Variants in SPOCK2 observed in about 807,000 individuals in gnomAD.
SPOCK2 encodes the protein testican-2.
SPOCK2 carries 39 observed loss-of-function variants against 60.1 expected under a neutral mutation model. The ratio of observed to expected loss-of-function variants is 0.65; its 90% CI spans 0.50 to 0.85. The LOEUF (loss-of-function observed/expected upper bound fraction) is 0.85. Among genes scored for constraint, SPOCK2 ranks in the 40% least tolerant of loss-of-function variants. The pLI, the probability that SPOCK2 is intolerant of heterozygous loss-of-function variation, is 0.00. For missense variants in SPOCK2, 523 were observed against 567.4 expected (o/e 0.92, Z 0.80); for synonymous variants, 217 against 231.5 (o/e 0.94, Z 0.57).
At chr10:72,086,296 C>G in intron 1 of SPOCK2, 3 of 989,290 alleles carry the variant, frequency 3.0e-6, no homozygotes, top group Non-Finnish European at 3.6e-6. Flanking sequence ...TACAGAGAGA[C>G]AGGTGGGTAG....
At chr10:72,085,054 T>C (rs1427738328) in intron 1 of SPOCK2, among the ~76,000 whole-genome samples, 1 of 152,194 alleles carries the variant, frequency 6.6e-6, no homozygotes, top group Non-Finnish European at 1.5e-5. Context: ...GAGCCTGCCC[T>C]GAAGAATGCT....
intron 1 of SPOCK2, among the ~76,000 whole-genome samples, chr10:72,076,435 G>A (rs1442895357): frequency 1.3e-5 from 2 of 152,134 alleles, no homozygotes; most frequent in Middle Eastern, 3.2e-3. Flanking sequence ...AGGAAACAGA[G>A]GCCCCGTTCT....
At chr10:72,081,935 C>T (rs1384744024) in intron 1 of SPOCK2, among the ~76,000 whole-genome samples, 1 of 152,140 alleles carries the variant, frequency 6.6e-6, no homozygotes, top group African/African-American at 2.4e-5. Context: ...TGCCACAGTG[C>T]ACACGTTTAC....
At chr10:72,063,472 G>A (rs1414761654) in intron 9 of SPOCK2, among the ~76,000 whole-genome samples, 1 of 152,204 alleles carries the variant, frequency 6.6e-6, no homozygotes, top group Non-Finnish European at 1.5e-5. Context: ...CAGCCAGTCT[G>A]ACTTCACCAG....
At chr10:72,076,404 T>C (rs1372294980) in intron 1 of SPOCK2, among the ~76,000 whole-genome samples, 1 of 152,222 alleles carries the variant, frequency 6.6e-6, no homozygotes, top group Admixed American at 6.5e-5. Flanking sequence ...AATAGTCTGA[T>C]CAGGGCACCT....
chr10:72,063,114 T>C lies in SPOCK2; in HGVS notation c.1040A>G (p.Gln347Arg). 6.4e-7 allele frequency: 1 copy of C among 1,556,174 alleles called. No homozygotes were observed. Among genetic ancestry groups the C allele is most frequent in the Non-Finnish European group, 8.7e-7 (1 of 1,149,478 alleles). Residue 347 changes from glutamine (Q) to arginine (R), a missense_variant, in exon 10 of 11, where the codon CAG becomes CGG. By Grantham distance (43) the Gln-to-Arg change is conservative (BLOSUM62 1). Transcript: ENST00000373109. Reference protein sequence around the residue: ...CDEDGYYRKMQCDQSSGDCWC... With the variant: ...CDEDGYYRKMRCDQSSGDCWC... ...GCAGTCACCGCTGCTCTGGTCACAC[T>C]GCATCTTCCGGTAGTAGCCATCCTC...
At chr10:72,066,839 C>T (rs1840574530) in intron 8 of SPOCK2, 63 bp downstream of exon 8, 3 of 1,593,046 alleles carry the variant, frequency 1.9e-6, no homozygotes, top group Non-Finnish European at 2.6e-6. Flanking sequence ...CCCAAGAGAG[C>T]CTGGAACTTC....
At chr10:72,080,739 C>T (rs920031218) in intron 1 of SPOCK2, among the ~76,000 whole-genome samples, 2 of 152,116 alleles carry the variant, frequency 1.3e-5, no homozygotes, top group Non-Finnish European at 2.9e-5. Flanking sequence ...CTCTGGCCTC[C>T]CACCTCCTCT....
intron 1 of SPOCK2, among the ~76,000 whole-genome samples, chr10:72,081,594 C>T (rs564158222): frequency 6.6e-6 from 1 of 152,358 alleles, no homozygotes; most frequent in Admixed American, 6.5e-5. Flanking sequence ...GCTCAGAGCA[C>T]CCTCTCCACA....
chr10:72,073,761 C>T (rs945129051), intron 1 of SPOCK2, among the ~76,000 whole-genome samples: 1 of 152,254 alleles, frequency 6.6e-6, no homozygotes, highest in Non-Finnish European at 1.5e-5. Context: ...GCCCGTGGAC[C>T]GCAGAGTGGC....
chr10:72,086,813 T>TCTGA, intron 1 of SPOCK2: 2 of 1,529,500 alleles, frequency 1.3e-6, no homozygotes, highest in Non-Finnish European at 1.8e-6. Flanking sequence ...CAGTCACTTG[T>TCTGA]CTGACGGTAA....
At chr10:72,071,498 G>T (rs144264465) in intron 4 of SPOCK2, among the ~76,000 whole-genome samples, 17 of 152,268 alleles carry the variant, frequency 1.1e-4, no homozygotes, top group Non-Finnish European at 2.4e-4. Context: ...TGGAGCTAAG[G>T]CTTCCTTAAA....
chr10:72,072,490 A>G lies in SPOCK2; in HGVS notation c.244+13T>C. ...GTGTCAGTCACCTTCCCCCGCCGGG[A>G]GAGTCATGTTACCTTCATCTCCTTG... On this transcript the variant is annotated intron_variant, in intron 3 of 10. Coordinates refer to ENST00000373109, the MANE Select transcript of SPOCK2 (RefSeq NM_001244950.2). 6.2e-7 allele frequency: 1 copy of G among 1,613,892 alleles called. No individual in the cohort carries two copies. The highest frequency in any genetic ancestry group is 8.5e-7 in the Non-Finnish European group (1 of 1,179,990).
Position 72,062,532 on chromosome 10 carries a change from G to T in SPOCK2, c.*228C>A. The T allele has an allele frequency of 1.3e-6, 1 of 741,660 alleles. No homozygotes were observed. The highest frequency in any genetic ancestry group is 2.0e-6 in the Non-Finnish European group (1 of 494,746). 45.9% of individuals were successfully genotyped at this position (741,660 alleles called of 1,614,324 possible). On this transcript the variant is annotated 3_prime_UTR_variant, in exon 11 of 11. Transcript: ENST00000373109. The surrounding 1 kb of genome is among the most constrained non-coding windows in gnomAD (Gnocchi z 4.3). ...GTGGATCAAGGACACATTTGTCAGC[G>T]CATGCCACACACACACACACATACA...
intron 1 of SPOCK2, among the ~76,000 whole-genome samples, chr10:72,083,953 G>GTGT (rs1564551435): frequency 4.6e-4 from 70 of 151,990 alleles, no homozygotes; most frequent in African/African-American, 1.7e-3. Context: ...AGGTGTGTGG[G>GTGT]GTGGGAAGCA....
intron 1 of SPOCK2, chr10:72,086,794 G>C: frequency 3.3e-6 from 5 of 1,508,592 alleles, no homozygotes; most frequent in Non-Finnish European, 4.4e-6. Flanking sequence ...GTTTGACTTT[G>C]GGGAGAAACA....
rs746881490 is a variant in SPOCK2 at position 72,062,953 on chromosome 10, AC to A, written c.1130-49del. ...GGGGGTGAGGGAGCTTCTGGCACGCACCCCCCAGCATCCCACGACAAGGGCC... is the reference window on the plus strand; with the variant it reads ...GGGGGTGAGGGAGCTTCTGGCACGCACCCCCAGCATCCCACGACAAGGGCC... On this transcript the variant is annotated intron_variant, in intron 10 of 10. Coordinates refer to ENST00000373109, the MANE Select transcript of SPOCK2 (RefSeq NM_001244950.2). The surrounding 1 kb of genome is among the most constrained non-coding windows in gnomAD (Gnocchi z 4.3). The A allele has an allele frequency of 7.6e-6, 12 of 1,581,644 alleles. No individual in the cohort carries two copies. The highest frequency in any genetic ancestry group is 3.5e-5 in the Admixed American group (2 of 56,410).
At chr10:72,083,670 G>A (rs933229934) in intron 1 of SPOCK2, among the ~76,000 whole-genome samples, 3 of 152,206 alleles carry the variant, frequency 2.0e-5, no homozygotes, top group East Asian at 1.9e-4. Context: ...GTCTCGCTGG[G>A]TGTTCAAGAG....
In SPOCK2 at chr10:72,062,272, G is replaced by A. The variant is rs1479766224; in HGVS notation, c.*488C>T. ...AGAGCTTGACCTCAGAAGCAAGAGG[G>A]AGAAGGGCAGACAGGGGTCGGTTGA... is the stretch of plus-strand genomic sequence containing the variant. On this transcript the variant is annotated 3_prime_UTR_variant, in exon 11 of 11. Transcript: ENST00000373109. This position sits in a 1 kb window ranked among gnomAD's most constrained non-coding sequence, Gnocchi z 4.3. 6.4e-6 allele frequency: 1 copy of A among 156,950 alleles called. No homozygotes were observed. Among genetic ancestry groups the A allele is most frequent in the Non-Finnish European group, 1.4e-5 (1 of 71,610 alleles). The allele number at this position is 156,950 out of a possible 1,614,324, so 9.7% of individuals were successfully genotyped here.
Sources: allele counts gnomAD v4.1 joint callset (sites outside exome capture counted in the v4.1 genomes callset), GRCh38; gene constraint gnomAD v4.1.1; non-coding constraint Gnocchi (gnomAD v3.1); transcripts MANE v1.5; gene names NCBI Gene and HGNC (gene_info 2026-07-23, HGNC 2026-07-21).